The following NTN1 variants were observed in gnomAD, a reference collection of about 807,000 sequenced individuals.
The protein encoded by NTN1 is netrin 1.
Under a neutral mutation model 54.2 loss-of-function variants are expected in NTN1, and 11 were observed. The ratio of observed to expected loss-of-function variants is 0.20; its 90% CI spans 0.13 to 0.34. The LOEUF (loss-of-function observed/expected upper bound fraction) is 0.34. Ranked by LOEUF, NTN1 falls within the 10% of genes least tolerant of loss-of-function variation. NTN1 has a pLI of 1.00. For missense variants in NTN1, 740 were observed against 893.1 expected (o/e 0.83, Z 2.18); for synonymous variants, 371 against 382.0 (o/e 0.97, Z 0.33).
Position 9,109,231 on chromosome 17 carries a change from T to G in NTN1, c.1019-53582T>G, listed in dbSNP as rs542107454. On this transcript the variant is annotated intron_variant, in intron 2 of 6. Coordinates refer to ENST00000173229, the MANE Select transcript of NTN1 (RefSeq NM_004822.3). ...AATAATAAGAGAACATTGCCAAGTT[T>G]GAAATACTTCTCATTTTCCTTTTTA... 3.3e-5 allele frequency among the ~76,000 whole-genome samples: 5 copies of G among 152,328 alleles called. No homozygotes were observed. In the East Asian group the frequency reaches 9.6e-4, roughly 29 times the overall value.
chr17:9,226,518 G>GGGGAGGCT (rs1905567221), intron 6 of NTN1, among the ~76,000 whole-genome samples: 2 of 55,186 alleles, frequency 3.6e-5, no homozygotes, highest in Non-Finnish European at 5.7e-5. Flanking sequence ...GTGGGGAGGT[G>GGGGAGGCT]GTCTCGTGGG....
intron 3 of NTN1, among the ~76,000 whole-genome samples, chr17:9,167,728 G>A (rs1451989730): frequency 6.6e-6 from 1 of 151,962 alleles, no homozygotes; most frequent in African/African-American, 2.4e-5. Context: ...CAGCAGCTCA[G>A]CCAAGAGTTG....
the NTN1 span, among the ~76,000 whole-genome samples, chr17:9,013,451 G>C: frequency 6.6e-6 from 1 of 152,108 alleles, no homozygotes. Context: ...CCCGACTTCA[G>C]GTGATCTGCC....
chr17:9,035,095 C>T (rs997654175), intron 2 of NTN1, among the ~76,000 whole-genome samples: 26 of 152,062 alleles, frequency 1.7e-4, no homozygotes, highest in Non-Finnish European at 3.1e-4. Flanking sequence ...TACAGGCGCC[C>T]GCCACCACAC....
rs561841036 is a variant in NTN1, at chr17:9,110,266, T to C, written c.1019-52547T>C. On this transcript the variant is annotated intron_variant, in intron 2 of 6. Coordinates refer to ENST00000173229, the MANE Select transcript of NTN1 (RefSeq NM_004822.3). ...AATTTCATCTCCTTCCCCTACCTCC[T>C]GCCTCTTTTTTTTTTCTTTTTGAGA... Among the ~76,000 whole-genome samples, 7 of 103,990 alleles carry C rather than the reference T, an allele frequency of 6.7e-5. No homozygotes were observed. In the South Asian group the frequency reaches 2.4e-3, roughly 36 times the overall value. The allele number at this position is 103,990 out of a possible 152,430, so 68.2% of individuals were successfully genotyped here.
chr17:9,003,400 C>A, the NTN1 span, among the ~76,000 whole-genome samples: 1 of 151,690 alleles, frequency 6.6e-6, no homozygotes. The surrounding 1 kb of genome is among the most constrained non-coding windows in gnomAD (Gnocchi z 7.4). Context: ...GGGGCGCACG[C>A]CAGAGCCCCA....
chr17:9,025,476 G>C (rs917846943), intron 2 of NTN1, among the ~76,000 whole-genome samples: 4 of 152,130 alleles, frequency 2.6e-5, no homozygotes, highest in Admixed American at 1.3e-4. Flanking sequence ...CAAATGATTG[G>C]CTAACAATAT....
chr17:9,166,188 ACC>A (rs2092372818), intron 3 of NTN1, among the ~76,000 whole-genome samples: 1 of 67,524 alleles, frequency 1.5e-5, no homozygotes, highest in Non-Finnish European at 3.1e-5. Flanking sequence ...CACCACCACC[ACC>A]ACCACCACCA....
Position 9,222,430 on chromosome 17 carries a change from C to T in NTN1, c.1486+1188C>T, listed in dbSNP as rs1050205392. The stretch of plus-strand genomic sequence containing the variant: ...CCTAATCATATGCTTCTCAGGGGAT[C>T]TGGGATGAGTCCCATTGCTTACCTG... On this transcript the variant is annotated intron_variant, in intron 6 of 6. Coordinates refer to ENST00000173229, the MANE Select transcript of NTN1 (RefSeq NM_004822.3). Among the ~76,000 whole-genome samples the T allele has an allele frequency of 3.3e-5, 5 of 152,354 alleles. No individual in the cohort carries two copies. In the East Asian group the frequency reaches 9.6e-4, roughly 29 times the overall value.
At chr17:9,229,268 G>A (rs1177246266) in intron 6 of NTN1, among the ~76,000 whole-genome samples, 3 of 152,030 alleles carry the variant, frequency 2.0e-5, no homozygotes, top group Admixed American at 1.3e-4. Flanking sequence ...TGCGTGCCCC[G>A]GTACCTCCAG....
At chr17:9,004,400 C>T in the NTN1 span, among the ~76,000 whole-genome samples, 6 of 152,274 alleles carry the variant, frequency 3.9e-5, no homozygotes, top group African/African-American at 1.4e-4. Flanking sequence ...GTGTCTTCCC[C>T]GGCCTCCTGC....
chr17:9,011,712 C>T, the NTN1 span, among the ~76,000 whole-genome samples: 1 of 152,122 alleles, frequency 6.6e-6, no homozygotes, highest in African/African-American at 2.4e-5. Context: ...GCCTCAGCCT[C>T]CTGAGTAGTT....
intron 6 of NTN1, among the ~76,000 whole-genome samples, chr17:9,231,542 C>T (rs994827540): frequency 2.4e-4 from 36 of 152,340 alleles, no homozygotes; most frequent in African/African-American, 7.9e-4. Flanking sequence ...GCTAACCCCA[C>T]ACGGGACAGG....
At chr17:9,232,605 G>T (rs1905851923) in intron 6 of NTN1, among the ~76,000 whole-genome samples, 1 of 152,176 alleles carries the variant, frequency 6.6e-6, no homozygotes, top group Non-Finnish European at 1.5e-5. Context: ...CTGGGGCAGG[G>T]CCCCGGTGGC....
intron 2 of NTN1, among the ~76,000 whole-genome samples, chr17:9,148,405 C>T (rs2092319449): frequency 6.6e-6 from 1 of 152,022 alleles, no homozygotes; most frequent in African/African-American, 2.4e-5. Context: ...TCTTCTGGGA[C>T]TTGTGGAGAC....
intron 6 of NTN1, among the ~76,000 whole-genome samples, chr17:9,234,796 C>CA (rs1905925621): frequency 6.6e-6 from 1 of 152,212 alleles, no homozygotes; most frequent in Admixed American, 6.5e-5. Context: ...AGGCGGAGGC[C>CA]AGGCTCCCCT....
At chr17:9,021,429 T>A (rs1597460177), upstream of NTN1, 1 of 151,134 alleles carries the variant, frequency 6.6e-6, no homozygotes, top group Non-Finnish European at 1.5e-5. Flanking sequence ...TGCTCGGAGC[T>A]GGCGGCAGCT....
chr17:9,193,207 A>G (rs532657530), intron 5 of NTN1, among the ~76,000 whole-genome samples: 6 of 152,322 alleles, frequency 3.9e-5, no homozygotes, highest in Non-Finnish European at 7.3e-5. Flanking sequence ...AAAACTTAGC[A>G]CAACCTAAAG....
intron 4 of NTN1, among the ~76,000 whole-genome samples, chr17:9,181,895 G>A (rs2092419837): frequency 6.6e-6 from 1 of 152,214 alleles, no homozygotes; most frequent in Non-Finnish European, 1.5e-5. Flanking sequence ...TGAGCAGTGG[G>A]GACTGGCTGA....
Sources: allele counts gnomAD v4.1 joint callset (sites outside exome capture counted in the v4.1 genomes callset), GRCh38; gene constraint gnomAD v4.1.1; non-coding constraint Gnocchi (gnomAD v3.1); transcripts MANE v1.5; gene names NCBI Gene and HGNC (gene_info 2026-07-23, HGNC 2026-07-21).